The following SATB1 variants were observed in gnomAD, a reference collection of about 807,000 sequenced individuals.
The protein encoded by SATB1 is DNA-binding protein SATB1.
A neutral mutation model predicts 86.9 loss-of-function variants in SATB1; 11 were observed. The observed-to-expected ratio is 0.13, with a 90% CI of 0.08 to 0.21. The LOEUF (loss-of-function observed/expected upper bound fraction) is 0.21, where lower values mean the gene tolerates loss of function less well. SATB1 is among the 10% of genes least tolerant of loss of function. The probability of loss-of-function intolerance (pLI) is 1.00; values close to 1 mark genes in which losing one functional copy is unlikely to be tolerated. For synonymous variants in SATB1, 357 were observed against 357.2 expected (o/e 1.00, Z 0.01); for missense variants, 551 against 937.6 (o/e 0.59, Z 5.39).
upstream of SATB1, among the ~76,000 whole-genome samples, chr3:18,439,396 T>A (rs1575190985): frequency 6.6e-6 from 1 of 152,146 alleles, no homozygotes; most frequent in East Asian, 1.9e-4. Flanking sequence ...ACACACACAA[T>A]CTGTATCTAT....
chr3:18,351,846 C>A (rs1015405101), intron 10 of SATB1, 146 bp downstream of exon 10: 16 of 705,154 alleles, frequency 2.3e-5, no homozygotes, highest in Non-Finnish European at 3.9e-5. Context: ...TCATTTTATC[C>A]CCCTGAGCAA....
At chr3:18,427,813 A>T (rs537246340), upstream of SATB1, among the ~76,000 whole-genome samples, 6 of 152,334 alleles carry the variant, frequency 3.9e-5, no homozygotes, top group Non-Finnish European at 7.3e-5. Flanking sequence ...TCTAAGAATG[A>T]CTATATTATA....
chr3:18,385,423 C>A (rs1364027722), intron 8 of SATB1, among the ~76,000 whole-genome samples: 1 of 151,980 alleles, frequency 6.6e-6, no homozygotes, highest in African/African-American at 2.4e-5. Flanking sequence ...GAGATGGAGA[C>A]CATCCTGACT....
At chr3:18,393,674 C>T (rs965746661) in intron 7 of SATB1, among the ~76,000 whole-genome samples, 1 of 152,184 alleles carries the variant, frequency 6.6e-6, no homozygotes, top group African/African-American at 2.4e-5. Flanking sequence ...GCCACACTTA[C>T]TCCATGGCCT....
intron 9 of SATB1, among the ~76,000 whole-genome samples, chr3:18,356,840 C>T (rs1694669458): frequency 6.6e-6 from 1 of 151,834 alleles, no homozygotes. Flanking sequence ...TATAAAGCCT[C>T]ACATGCATAG....
intron 9 of SATB1, among the ~76,000 whole-genome samples, chr3:18,361,535 T>C (rs1331803183): frequency 6.6e-6 from 1 of 152,112 alleles, no homozygotes; most frequent in Non-Finnish European, 1.5e-5. Context: ...TTTACTCAGT[T>C]AATAGTATTA....
upstream of SATB1, chr3:18,438,916 C>T (rs1699159952): frequency 6.6e-6 from 1 of 152,222 alleles, no homozygotes; most frequent in Non-Finnish European, 1.5e-5. Context: ...TCTGCTTCTT[C>T]CGCAAGCATT....
Position 18,432,396 on chromosome 3 carries a change from T to C in SATB1, c.-25+4393A>G, listed in dbSNP as rs371475191. Among the ~76,000 whole-genome samples the C allele has an allele frequency of 2.2e-4, 33 of 152,298 alleles. No individual in the cohort carries two copies. In the East Asian group the frequency reaches 4.0e-3, roughly 19 times the overall value. On this transcript the variant is annotated intron_variant, in intron 2 of 3. Transcript: ENST00000414509. ...TATTTCTAATCTTTCCTAGCTTAAT[T>C]GGAGGGAGAAAGAATTCGCGATAAC...
At chr3:18,362,547 G>A (rs1694952014) in intron 9 of SATB1, among the ~76,000 whole-genome samples, 1 of 150,884 alleles carries the variant, frequency 6.6e-6, no homozygotes, top group African/African-American at 2.4e-5. Context: ...TGATGTTTCT[G>A]TATTCAAAAA....
intron 5 of SATB1, 161 bp downstream of exon 5, chr3:18,414,950 A>C (rs1222344300): frequency 4.3e-6 from 3 of 693,930 alleles, no homozygotes; most frequent in Non-Finnish European, 7.2e-6. Flanking sequence ...GTTCACAAGG[A>C]ATCAGGCATA....
At chr3:18,417,841 G>A in intron 2 of SATB1, 1 of 558,814 alleles carries the variant, frequency 1.8e-6, no homozygotes, top group African/African-American at 1.9e-5. Flanking sequence ...AGATAGAAAA[G>A]GAAACTGACA....
At position 18,347,176 on chromosome 3, in the gene SATB1, A is replaced by G. The variant is rs186493387; in HGVS notation, c.*1994T>C. The G allele has an allele frequency of 7.9e-5, 12 of 152,284 alleles. No individual in the cohort carries two copies. The highest frequency in any genetic ancestry group is 2.4e-4 in the African/African-American group (10 of 41,546). 9.4% of individuals were successfully genotyped at this position (152,284 alleles called of 1,614,324 possible). On this transcript the variant is annotated 3_prime_UTR_variant, in exon 11 of 11. Transcript: ENST00000338745. ...AATAAGCTCATCAGGGCCTGAGAAGATGGTAGGCAGAAAGAGAAGGGGCAA... is the reference window on the plus strand; with the variant it reads ...AATAAGCTCATCAGGGCCTGAGAAGGTGGTAGGCAGAAAGAGAAGGGGCAA...
chr3:18,438,211 C>T (rs974308101), intron 1 of SATB1, among the ~76,000 whole-genome samples: 1 of 152,152 alleles, frequency 6.6e-6, no homozygotes, highest in African/African-American at 2.4e-5. Context: ...ATATCAGGAA[C>T]CAATGAATAA....
chr3:18,426,585 A>C (rs1698711605), upstream of SATB1, among the ~76,000 whole-genome samples: 1 of 152,226 alleles, frequency 6.6e-6, no homozygotes, highest in Non-Finnish European at 1.5e-5. The surrounding 1 kb of genome is among the most constrained non-coding windows in gnomAD (Gnocchi z 4.2). Flanking sequence ...AGAATATTAC[A>C]ATGTAACCCA....
Position 18,349,366 on chromosome 3 carries a change from T to C in SATB1, c.2096A>G (p.Tyr699Cys). 6.2e-7 allele frequency: 1 copy of C among 1,614,196 alleles called. No homozygotes were observed. Among genetic ancestry groups the C allele is most frequent in the Non-Finnish European group, 8.5e-7 (1 of 1,180,024 alleles). Residue 699 changes from tyrosine (Y) to cysteine (C), a missense_variant, in exon 11 of 11, where the codon TAT (tyrosine) becomes TGT (cysteine). Physicochemically the swap from Tyr to Cys is radical, Grantham distance 194. This residue lies in a region of SATB1 where 33 missense variants were observed against 85.4 expected (regional missense o/e 0.39). Transcript: ENST00000338745. This position sits in a 1 kb window ranked among gnomAD's most constrained non-coding sequence, Gnocchi z 5.5. ...IIKFFQNQRY[Y>C]LKHHGKLKDN... ...CTTCAGTTTGCCGTGGTGCTTGAGA[T>C]AGTACCGCTGGTTCTGAAAGAACTT...
intron 9 of SATB1, among the ~76,000 whole-genome samples, chr3:18,365,535 C>A (rs1196716550): frequency 6.6e-6 from 1 of 152,106 alleles, no homozygotes; most frequent in African/African-American, 2.4e-5. Flanking sequence ...CTGATCACTG[C>A]CTCTCAAAGA....
At chr3:18,408,188 G>A (rs1237297654) in intron 5 of SATB1, among the ~76,000 whole-genome samples, 1 of 151,942 alleles carries the variant, frequency 6.6e-6, no homozygotes, top group Non-Finnish European at 1.5e-5. Context: ...GAAAGATGAT[G>A]ACTAAAGAGA....
At chr3:18,426,846 A>G (rs935441114), upstream of SATB1, among the ~76,000 whole-genome samples, 1 of 152,262 alleles carries the variant, frequency 6.6e-6, no homozygotes, top group Non-Finnish European at 1.5e-5. This position sits in a 1 kb window ranked among gnomAD's most constrained non-coding sequence, Gnocchi z 4.2. Flanking sequence ...CACTGTTTAC[A>G]TTACAAATCT....
intron 9 of SATB1, among the ~76,000 whole-genome samples, chr3:18,360,518 T>G (rs554045006): frequency 7.1e-6 from 1 of 140,660 alleles, no homozygotes; most frequent in South Asian, 2.2e-4. Context: ...GGAAAGCCCT[T>G]TCTCCTATTT....
Sources: allele counts gnomAD v4.1 joint callset (sites outside exome capture counted in the v4.1 genomes callset), GRCh38; gene constraint gnomAD v4.1.1; regional missense constraint gnomAD v4.1.1; non-coding constraint Gnocchi (gnomAD v3.1); transcripts MANE v1.5; gene names NCBI Gene and HGNC (gene_info 2026-07-23, HGNC 2026-07-21).